DMXL2: variants seen among roughly 807,000 people sequenced by gnomAD.
DMXL2 encodes the protein dmX-like protein 2.
A neutral mutation model predicts 331.1 loss-of-function variants in DMXL2; 103 were observed. That is an observed-to-expected ratio of 0.31 (90% CI 0.27 to 0.37). The LOEUF is 0.37. DMXL2 is among the 10% of genes least tolerant of loss of function. The probability of loss-of-function intolerance (pLI) is 1.00; values close to 1 mark genes in which losing one functional copy is unlikely to be tolerated. For synonymous variants in DMXL2, 1,281 were observed against 1,252.1 expected, an observed-to-expected ratio of 1.02 and a Z score of -0.49; for missense variants, 3,171 against 3,642.9, an observed-to-expected ratio of 0.87 and a Z score of 3.33.
intron 1 of DMXL2, among the ~76,000 whole-genome samples, chr15:51,616,742 G>T (rs1201488851): frequency 6.6e-6 from 1 of 152,086 alleles, no homozygotes; most frequent in Non-Finnish European, 1.5e-5. Flanking sequence ...GTTCAAGCCA[G>T]CCTGGCCAAC....
chr15:51,526,137 AG>A, intron 13 of DMXL2, among the ~76,000 whole-genome samples: 1 of 112,302 alleles, frequency 8.9e-6, no homozygotes, highest in South Asian at 3.3e-4. Flanking sequence ...AAGGAGAGAG[AG>A]GGAGAGAGAG....
intron 23 of DMXL2, among the ~76,000 whole-genome samples, chr15:51,484,810 C>T (rs2042267496): frequency 6.6e-6 from 1 of 151,902 alleles, no homozygotes; most frequent in Non-Finnish European, 1.5e-5. Flanking sequence ...CAAAAGAATA[C>T]AGATATACAA....
At chr15:51,529,569 C>T (rs1487462756) in intron 13 of DMXL2, among the ~76,000 whole-genome samples, 1 of 152,008 alleles carries the variant, frequency 6.6e-6, no homozygotes, top group Admixed American at 6.6e-5. Flanking sequence ...AAGTCCAAAA[C>T]CTGAATAGAT....
chr15:51,463,552 A>C, intron 32 of DMXL2, 56 bp from the exon 33 acceptor site: 1 of 990,268 alleles, frequency 1.0e-6, no homozygotes, highest in Non-Finnish European at 1.5e-6. Flanking sequence ...ATATGTTTAT[A>C]TTTGCAGATA....
Position 51,547,213 on chromosome 15 carries a change from T to C in DMXL2, c.746+17A>G. ...TTTAAGGATGCAAACTAAAGCTACA[T>C]GATTCATTCATCTAACCTGGGCATA... On this transcript the variant is annotated intron_variant, in intron 7 of 43. Coordinates refer to ENST00000560891, the MANE Select transcript of DMXL2 (RefSeq NM_001378457.1). 2 of 1,570,868 alleles carry C rather than the reference T, an allele frequency of 1.3e-6. No homozygotes were observed. Among genetic ancestry groups the C allele is most frequent in the South Asian group, 1.2e-5 (1 of 83,776 alleles).
At chr15:51,559,540 TAAC>T (rs1349897906) in intron 6 of DMXL2, among the ~76,000 whole-genome samples, 3 of 151,704 alleles carry the variant, frequency 2.0e-5, no homozygotes, top group African/African-American at 7.3e-5. Flanking sequence ...CATAAGGAGA[TAAC>T]AACTCTACCA....
rs1595953557 is a variant in DMXL2 at position 51,480,244 on chromosome 15, C to T, written c.6565-105G>A. On this transcript the variant is annotated intron_variant, in intron 24 of 43. Coordinates refer to ENST00000560891, the MANE Select transcript of DMXL2 (RefSeq NM_001378457.1). Reference sequence around the variant, plus strand: ...ACATTGTGTAAAGGGAATATGTTCGCTCACTCATTCTACACAAATTTATTG... The same window carrying T: ...ACATTGTGTAAAGGGAATATGTTCGTTCACTCATTCTACACAAATTTATTG... The T allele has an allele frequency of 1.5e-5, 17 of 1,149,470 alleles. No homozygotes were observed. The South Asian group carries it at 2.6e-4, about 18-fold the overall frequency. 71.2% of individuals were successfully genotyped at this position (1,149,470 alleles called of 1,614,324 possible). A position where few individuals can be genotyped will look rare whatever the true frequency, so the allele number is the denominator to read the frequency against.
At chr15:51,551,542 C>T (rs1240368767) in intron 6 of DMXL2, among the ~76,000 whole-genome samples, 1 of 152,174 alleles carries the variant, frequency 6.6e-6, no homozygotes, top group Non-Finnish European at 1.5e-5. Flanking sequence ...TGTCCAGATA[C>T]AGATTTATTA....
rs2039517981 is a variant in DMXL2 at position 51,455,218 on chromosome 15, G to A, written c.8537C>T (p.Ala2846Val). Residue 2846 changes from alanine to valine, a missense_variant, in exon 40 of 44, where the codon GCG becomes GTG. Physicochemically the swap from Ala to Val is moderately conservative, Grantham distance 64. Transcript: ENST00000560891. The stretch of plus-strand genomic sequence containing the variant: ...GATACTCAGAAAACCCTCTCCATCC[G>A]CAACACCACACTGTAAGAACAGTAT... ...FNSQGNKCGV[A>V]DGEGFLSIWQ... 5 of 1,613,484 alleles carry A rather than the reference G, an allele frequency of 3.1e-6. No homozygotes were observed. The highest frequency in any genetic ancestry group is 2.7e-5 in the African/African-American group (2 of 74,882).
At chr15:51,553,554 T>C (rs562872709) in intron 6 of DMXL2, among the ~76,000 whole-genome samples, 16 of 152,288 alleles carry the variant, frequency 1.1e-4, no homozygotes, top group African/African-American at 3.4e-4. Context: ...ACAGGTCCAC[T>C]TACACGTGAA....
At chr15:51,549,324 G>A (rs1178829336) in intron 6 of DMXL2, among the ~76,000 whole-genome samples, 1 of 151,230 alleles carries the variant, frequency 6.6e-6, no homozygotes, top group Non-Finnish European at 1.5e-5. Context: ...TCCATGGTGT[G>A]TATATATATA....
chr15:51,597,326 C>T (rs1390948041), intron 1 of DMXL2, among the ~76,000 whole-genome samples: 3 of 152,110 alleles, frequency 2.0e-5, no homozygotes, highest in African/African-American at 7.2e-5. Flanking sequence ...TTTGGGAAAT[C>T]ACCCCCTTAT....
rs79773999 is a variant in DMXL2, at chr15:51,614,108, G to A, written c.87+8351C>T. Among the ~76,000 whole-genome samples, 489 of 152,198 alleles carry A rather than the reference G, an allele frequency of 3.2e-3. 19 individuals carry two copies. The East Asian group carries it at 0.062, about 19-fold the overall frequency. ...AAGGGTGGGGCCCTATAAGACTAGC[G>A]TCCCTAAGAAGAGAAAAAGACACCG... On this transcript the variant is annotated intron_variant, in intron 1 of 43. Coordinates refer to ENST00000560891, the MANE Select transcript of DMXL2 (RefSeq NM_001378457.1).
At position 51,480,643 on chromosome 15, in the gene DMXL2, G is replaced by A. The variant is rs145831743; in HGVS notation, c.6463C>T (p.Leu2155=). The change falls in exon 24 of 44, where the codon CTG becomes TTG. Residue 2155 remains leucine, a synonymous_variant. Transcript: ENST00000560891. ...CTACAGTAGCTGAGAAATACTCTCA[G>A]GAGATCTTGGTTTTTCTGCAACCAC... ...KSWLQKNQDL[L]RVFLSYCSLH... 9.4e-5 allele frequency: 151 copies of A among 1,612,288 alleles called. 1 individual carries two copies. The African/African-American group carries it at 1.8e-3, about 19-fold the overall frequency.
chr15:51,503,617 T>C (rs115796059), intron 16 of DMXL2, among the ~76,000 whole-genome samples: 3,127 of 151,998 alleles, frequency 0.021, 111 homozygotes, highest in African/African-American at 0.071. Flanking sequence ...GGTACAAACA[T>C]GAAGGTAGAA....
In DMXL2 at chr15:51,471,369, G is replaced by A. The variant is rs2140308932; in HGVS notation, c.7246C>T (p.His2416Tyr). ...ATTCTCATGTTAAATCTCCTACGGT[G>A]TTTATCTATGTCTTCAGAAAGGACA... ...PPVLSEDIDK[H>Y]RRRFNMRMLV... The change falls in exon 29 of 44, where the codon CAC (histidine) becomes TAC (tyrosine). Residue 2416 changes from histidine (H) to tyrosine (Y), a missense_variant. Transcript: ENST00000560891. 6.2e-7 allele frequency: 1 copy of A among 1,612,692 alleles called. No homozygotes were observed. The highest frequency in any genetic ancestry group is 8.5e-7 in the Non-Finnish European group (1 of 1,179,222).
rs549931660 is a variant in DMXL2 at position 51,451,637 on chromosome 15, T to G, written c.8749+8A>C. The G allele has an allele frequency of 6.2e-7, 1 of 1,609,416 alleles. No individual in the cohort carries two copies. The highest frequency in any genetic ancestry group is 1.1e-5 in the South Asian group (1 of 90,772). On this transcript the variant is annotated splice_region_variant and intron_variant, in intron 42 of 43. Transcript: ENST00000560891. ...GTATATTTTTAAAAATCATAGACCT[T>G]AACTCACCATGAATGAGGCTGTTTC...
intron 1 of DMXL2, among the ~76,000 whole-genome samples, chr15:51,621,942 G>A (rs1285115335): frequency 3.3e-5 from 5 of 152,154 alleles, no homozygotes; most frequent in South Asian, 2.1e-4. Flanking sequence ...ACAGAGTCAG[G>A]CTTAAAGCCA....
chr15:51,590,256 T>C (rs1297218468), intron 1 of DMXL2, among the ~76,000 whole-genome samples: 1 of 152,196 alleles, frequency 6.6e-6, no homozygotes, highest in Non-Finnish European at 1.5e-5. Context: ...TCAAGAAATG[T>C]AGCAGGTATT....
Sources: gnomAD v4.1 joint callset for allele counts (sites outside exome capture counted in the v4.1 genomes callset) on GRCh38, gnomAD v4.1.1 for gene constraint, MANE v1.5 for transcripts, NCBI Gene and HGNC (gene_info 2026-07-23, HGNC 2026-07-21) for gene names.